Variants in ARSG observed in about 807,000 individuals in gnomAD.
ARSG encodes arylsulfatase G.
In ARSG, 37 loss-of-function variants were observed where a neutral mutation model predicts 50.5. The ratio of observed to expected loss-of-function variants is 0.73; its 90% confidence interval spans 0.56 to 0.96. ARSG has a LOEUF of 0.96. ARSG is among the 50% of genes least tolerant of loss of function. The pLI is 0.00. For synonymous variants in ARSG, 225 were observed against 254.6 expected (o/e 0.88, Z 1.11); for missense variants, 629 against 675.3 (o/e 0.93, Z 0.76).
chr17:68,339,826 C>T (rs895078060), intron 2 of ARSG, among the ~76,000 whole-genome samples: 20 of 152,216 alleles, frequency 1.3e-4, no homozygotes, highest in Non-Finnish European at 2.2e-4. Flanking sequence ...TTGTGCATGA[C>T]ACTAAACTTA....
chr17:68,426,242 T>TGA, downstream of ARSG: 1 of 668,998 alleles, frequency 1.5e-6, no homozygotes, highest in Non-Finnish European at 2.2e-6. Context: ...ACCTGGCGGG[T>TGA]GGGGAGCGGG....
the ARSG span, among the ~76,000 whole-genome samples, chr17:68,444,752 C>T: frequency 6.6e-6 from 1 of 152,168 alleles, no homozygotes; most frequent in East Asian, 1.9e-4. Flanking sequence ...TACACACATA[C>T]ACATGTAATC....
chr17:68,312,803 C>CA (rs1314362320), intron 2 of ARSG, among the ~76,000 whole-genome samples: 4 of 152,088 alleles, frequency 2.6e-5, no homozygotes, highest in African/African-American at 9.7e-5. Flanking sequence ...AGTGGGGAAC[C>CA]ATGACTTTCA....
intron 1 of ARSG, chr17:68,268,872 T>C (rs1228858559): frequency 7.7e-6 from 6 of 780,122 alleles, no homozygotes; most frequent in African/African-American, 1.8e-5. Flanking sequence ...GAGTGCTTGG[T>C]TGTTTTTTGT....
chr17:68,401,237 G>T, intron 10 of ARSG, 123 bp from the exon 11 acceptor site: 1 of 797,904 alleles, frequency 1.3e-6, no homozygotes. Context: ...TGCCCAGGCT[G>T]GTTTCAAACT....
In ARSG at chr17:68,307,075, C is replaced by T. The variant is rs1332334924; in HGVS notation, c.-419C>T. 1 of 163,614 alleles carries T rather than the reference C, an allele frequency of 6.1e-6. No homozygotes were observed. Among genetic ancestry groups the T allele is most frequent in the Admixed American group, 6.2e-5 (1 of 16,128 alleles). The allele number at this position is 163,614 out of a possible 1,614,324, so 10.1% of individuals were successfully genotyped here. Reference sequence around the variant, plus strand: ...TGTAGTCACCAGATGGAGTCCCAAACAGCCAAGCAGATGTAAGGCCTGTGC... The same window carrying T: ...TGTAGTCACCAGATGGAGTCCCAAATAGCCAAGCAGATGTAAGGCCTGTGC... On this transcript the variant is annotated 5_prime_UTR_variant, in exon 2 of 12. Transcript: ENST00000621439.
intron 8 of ARSG, among the ~76,000 whole-genome samples, chr17:68,380,416 A>G (rs2080376604): frequency 1.3e-5 from 2 of 151,426 alleles, no homozygotes. Context: ...GGACTACCAC[A>G]CTTAGCTAAT....
At chr17:68,338,114 T>A (rs2146166517) in intron 2 of ARSG, among the ~76,000 whole-genome samples, 1 of 152,232 alleles carries the variant, frequency 6.6e-6, no homozygotes, top group South Asian at 2.1e-4. Flanking sequence ...TGTTGTGTCA[T>A]CTGATTTCAA....
At chr17:68,369,914 G>A (rs1568534794) in intron 7 of ARSG, among the ~76,000 whole-genome samples, 1 of 152,186 alleles carries the variant, frequency 6.6e-6, no homozygotes, top group Non-Finnish European at 1.5e-5. Flanking sequence ...GGACTGGGTT[G>A]GGGCAGGAAA....
intron 1 of ARSG, among the ~76,000 whole-genome samples, chr17:68,300,677 A>G (rs1362734538): frequency 6.6e-6 from 1 of 152,124 alleles, no homozygotes; most frequent in African/African-American, 2.4e-5. Context: ...GATGCCACCT[A>G]GGCTCTCTCA....
chr17:68,401,791 A>G (rs1462516703), intron 11 of ARSG, among the ~76,000 whole-genome samples: 1 of 152,248 alleles, frequency 6.6e-6, no homozygotes, highest in Non-Finnish European at 1.5e-5. Context: ...GATATTTTAA[A>G]GTATAATTTA....
intron 10 of ARSG, chr17:68,400,405 A>C (rs1001283960): frequency 1.3e-5 from 2 of 152,224 alleles, no homozygotes; most frequent in African/African-American, 4.8e-5. Context: ...CTGTGACCAG[A>C]GTCTGGGCTG....
chr17:68,270,789 A>G (rs782020732), intron 1 of ARSG: 67 of 1,477,640 alleles, frequency 4.5e-5, no homozygotes, highest in Non-Finnish European at 5.9e-5. Flanking sequence ...AGCTAGCACA[A>G]TTCACAAGGG....
chr17:68,288,706 G>A (rs782778443), upstream of ARSG, among the ~76,000 whole-genome samples: 15 of 152,160 alleles, frequency 9.9e-5, no homozygotes, highest in Non-Finnish European at 2.1e-4. Flanking sequence ...GCCTTTGACC[G>A]TCACTTGCTT....
chr17:68,374,350 GGTGC>G (rs2080035406), intron 8 of ARSG, among the ~76,000 whole-genome samples: 1 of 41,220 alleles, frequency 2.4e-5, no homozygotes, highest in Non-Finnish European at 4.5e-5. Flanking sequence ...AAGTCCAGAA[GGTGC>G]AGAAGGTGTG....
intron 1 of ARSG, chr17:68,285,486 AT>A (rs1479594167): frequency 6.6e-6 from 1 of 152,356 alleles, no homozygotes; most frequent in Non-Finnish European, 1.5e-5. Flanking sequence ...CCTGGCCAAC[AT>A]GGTGAAACCC....
chr17:68,292,828 C>T (rs2076064100), intron 1 of ARSG, among the ~76,000 whole-genome samples: 1 of 152,088 alleles, frequency 6.6e-6, no homozygotes, highest in Non-Finnish European at 1.5e-5. Flanking sequence ...CTTGTATGGC[C>T]AGTAGTGTAC....
chr17:68,432,418 A>C, the ARSG span, among the ~76,000 whole-genome samples: 1 of 152,224 alleles, frequency 6.6e-6, no homozygotes, highest in East Asian at 1.9e-4. Context: ...GCCTTGTGTC[A>C]TGCTGAGAAG....
chr17:68,322,882 G>A (rs1303741897), intron 2 of ARSG, among the ~76,000 whole-genome samples: 1 of 152,182 alleles, frequency 6.6e-6, no homozygotes, highest in African/African-American at 2.4e-5. Context: ...CAACATCAGG[G>A]TACTAGCATG....
Sources: gnomAD v4.1 joint callset for allele counts (sites outside exome capture counted in the v4.1 genomes callset) on GRCh38, gnomAD v4.1.1 for gene constraint, MANE v1.5 for transcripts, NCBI Gene and HGNC (gene_info 2026-07-23, HGNC 2026-07-21) for gene names.